MAML2: variants seen among roughly 807,000 people sequenced by gnomAD.
MAML2 encodes the protein mastermind-like protein 2.
MAML2 carries 22 observed loss-of-function variants against 96.1 expected under a neutral mutation model. The ratio of observed to expected loss-of-function variants is 0.23; its 90% CI spans 0.16 to 0.33. The LOEUF (loss-of-function observed/expected upper bound fraction) is 0.33. Ranked by LOEUF, MAML2 falls within the 10% of genes least tolerant of loss-of-function variation. The pLI is 1.00. For synonymous variants in MAML2, 561 were observed against 521.3 expected, an observed-to-expected ratio of 1.08 and a Z score of -1.04; for missense variants, 1,367 against 1,392.4, an observed-to-expected ratio of 0.98 and a Z score of 0.29.
Position 96,295,681 on chromosome 11 carries a change from AACACAC to A in MAML2, c.513+45696_513+45701del, listed in dbSNP as rs71745057. Reference sequence around the variant, plus strand: ...CAAATTACTACTGCTCTGCTGCTGTAACACACACACACACACACACACACACACACT... The same window carrying A: ...CAAATTACTACTGCTCTGCTGCTGTAACACACACACACACACACACACACT... On this transcript the variant is annotated intron_variant, in intron 1 of 4. Transcript: ENST00000524717. Among the ~76,000 whole-genome samples the A allele has an allele frequency of 3.9e-3, 578 of 147,140 alleles. 3 individuals carry two copies. Among genetic ancestry groups the A allele is most frequent in the African/African-American group, 0.013 (503 of 39,914 alleles).
intron 2 of MAML2, among the ~76,000 whole-genome samples, chr11:96,064,522 A>G (rs1269406814): frequency 6.6e-6 from 1 of 152,266 alleles, no homozygotes; most frequent in Admixed American, 6.5e-5. Context: ...GATGTTACTA[A>G]GTTCAAGTCC....
At chr11:96,020,369 A>G (rs1178688571) in intron 2 of MAML2, among the ~76,000 whole-genome samples, 1 of 152,184 alleles carries the variant, frequency 6.6e-6, no homozygotes, top group Non-Finnish European at 1.5e-5. Flanking sequence ...TCCTATTAGC[A>G]CCACATGACT....
intron 1 of MAML2, among the ~76,000 whole-genome samples, chr11:96,208,351 C>A (rs577303139): frequency 6.6e-6 from 1 of 152,090 alleles, no homozygotes; most frequent in African/African-American, 2.4e-5. Context: ...GCCTGGCACC[C>A]AAGAATGAAA....
At chr11:96,009,387 G>T (rs1156779917) in intron 2 of MAML2, among the ~76,000 whole-genome samples, 1 of 152,160 alleles carries the variant, frequency 6.6e-6, no homozygotes, top group Non-Finnish European at 1.5e-5. Flanking sequence ...CCAGGAAGGT[G>T]CTAATCTTTG....
chr11:96,318,340 T>C (rs1441948884), intron 1 of MAML2, among the ~76,000 whole-genome samples: 1 of 152,168 alleles, frequency 6.6e-6, no homozygotes, highest in East Asian at 1.9e-4. Context: ...GACTTATGAC[T>C]AAAATCCGAT....
At chr11:96,328,291 C>G (rs1802320885) in intron 1 of MAML2, among the ~76,000 whole-genome samples, 1 of 152,024 alleles carries the variant, frequency 6.6e-6, no homozygotes, top group Admixed American at 6.6e-5. Context: ...GATATTTTCA[C>G]CTAAAATTCC....
chr11:96,340,523 G>A (rs150468901), intron 1 of MAML2, among the ~76,000 whole-genome samples: 1 of 152,360 alleles, frequency 6.6e-6, no homozygotes, highest in East Asian at 1.9e-4. Context: ...CTGGGATGGT[G>A]TGTGTCTGTG....
Position 96,026,302 on chromosome 11 carries a change from C to T in MAML2, c.2140-34579G>A, listed in dbSNP as rs551701107. 2.6e-5 allele frequency among the ~76,000 whole-genome samples: 4 copies of T among 152,322 alleles called. 1 individual carries two copies. The South Asian group carries it at 8.3e-4, about 32-fold the overall frequency. On this transcript the variant is annotated intron_variant, in intron 2 of 4. Transcript: ENST00000524717. ...CTGAATGAAAATATAAGTGGGCTCT[C>T]ATTTTGAATATAAGGTGAGTTCATG... is the stretch of plus-strand genomic sequence containing the variant.
intron 1 of MAML2, among the ~76,000 whole-genome samples, chr11:96,161,459 A>G (rs1011297190): frequency 4.6e-5 from 7 of 152,276 alleles, no homozygotes; most frequent in African/African-American, 1.4e-4. Context: ...TGTAAAACGG[A>G]CAGAGGAATC....
intron 1 of MAML2, among the ~76,000 whole-genome samples, chr11:96,100,740 T>C (rs1377915935): frequency 2.0e-5 from 3 of 149,412 alleles, no homozygotes; most frequent in Non-Finnish European, 4.4e-5. Flanking sequence ...AATAGCTTTT[T>C]TTTTTTTCTT....
intron 2 of MAML2, among the ~76,000 whole-genome samples, chr11:96,035,951 T>C (rs558697215): frequency 2.6e-5 from 4 of 152,294 alleles, no homozygotes; most frequent in Admixed American, 2.6e-4. Context: ...GACTCCTCAG[T>C]GAGGCTACAG....
intron 1 of MAML2, among the ~76,000 whole-genome samples, chr11:96,237,973 T>C (rs1862387324): frequency 6.6e-6 from 1 of 152,262 alleles, no homozygotes; most frequent in Admixed American, 6.5e-5. Context: ...CTCAATATTC[T>C]GCTTTGTTCT....
At chr11:96,298,786 T>C (rs1444260632) in intron 1 of MAML2, among the ~76,000 whole-genome samples, 1 of 147,546 alleles carries the variant, frequency 6.8e-6, no homozygotes, top group Non-Finnish European at 1.5e-5. Flanking sequence ...CTCAGGCCTG[T>C]AATCCTAGCA....
At chr11:96,133,319 C>T (rs1207078200) in intron 1 of MAML2, among the ~76,000 whole-genome samples, 2 of 152,092 alleles carry the variant, frequency 1.3e-5, no homozygotes, top group African/African-American at 4.8e-5. Context: ...GAATGTAGAT[C>T]GGTAAGCAAA....
At chr11:96,275,312 C>T (rs978781004) in intron 1 of MAML2, among the ~76,000 whole-genome samples, 9 of 121,386 alleles carry the variant, frequency 7.4e-5, no homozygotes, top group African/African-American at 2.9e-4. Context: ...GAGTCTCGCT[C>T]TGTCACCCAG....
chr11:96,199,781 C>A (rs1407615980), intron 1 of MAML2, among the ~76,000 whole-genome samples: 1 of 152,152 alleles, frequency 6.6e-6, no homozygotes, highest in Non-Finnish European at 1.5e-5. Context: ...TGTGAATATG[C>A]ATCAGAGGAA....
In MAML2 at chr11:96,341,507, T is replaced by C. The variant is rs1030079534; in HGVS notation, c.389A>G (p.Tyr130Cys). Reference protein sequence around the residue: ...ATAAPPPPPDYHHHHQQHLLN... With the variant: ...ATAAPPPPPDCHHHHQQHLLN... ...CAGGTGCTGCTGGTGGTGATGGTGA[T>C]AGTCTGGTGGGGGCGGTGGGGCTGC... The change falls in exon 1 of 5, where the codon TAT (tyrosine) becomes TGT (cysteine). Residue 130 changes from tyrosine (Y) to cysteine (C), a missense_variant. By Grantham distance (194) the Tyr-to-Cys change is radical. Transcript: ENST00000524717. The C allele has an allele frequency of 6.4e-6, 10 of 1,551,298 alleles. No individual in the cohort carries two copies. The Admixed American group carries it at 1.2e-4, about 18-fold the overall frequency.
At chr11:96,325,283 T>TA in intron 1 of MAML2, among the ~76,000 whole-genome samples, 1 of 152,174 alleles carries the variant, frequency 6.6e-6, no homozygotes, top group Non-Finnish European at 1.5e-5. Context: ...TGATGCTTAC[T>TA]AGTGGAGTTA....
In MAML2 at chr11:96,342,328, A is replaced by G; in HGVS notation, c.-433T>C. ...AGCAAAAGGTATTGAGAGAGGTATT[A>G]ATAGAGAGGACTCCCCCTCACCTAG... On this transcript the variant is annotated 5_prime_UTR_variant, in exon 1 of 5. Coordinates refer to ENST00000524717, the MANE Select transcript of MAML2 (RefSeq NM_032427.4). The G allele has an allele frequency of 2.5e-6, 1 of 404,866 alleles. No individual in the cohort carries two copies. The highest frequency in any genetic ancestry group is 2.0e-5 in the African/African-American group (1 of 48,788). The allele number at this position is 404,866 out of a possible 1,614,324, so 25.1% of individuals were successfully genotyped here. A position where few individuals can be genotyped will look rare whatever the true frequency, so the allele number is the denominator to read the frequency against.
Sources: gnomAD v4.1 joint callset for allele counts (sites outside exome capture counted in the v4.1 genomes callset) on GRCh38, gnomAD v4.1.1 for gene constraint, MANE v1.5 for transcripts, NCBI Gene and HGNC (gene_info 2026-07-23, HGNC 2026-07-21) for gene names.